Variants in IFT43 observed in about 807,000 individuals in gnomAD.
IFT43 encodes the protein intraflagellar transport 43.
Under a neutral mutation model 32.3 loss-of-function variants are expected in IFT43, and 33 were observed. That is an observed-to-expected ratio of 1.02 (90% CI 0.77 to 1.37). The LOEUF (loss-of-function observed/expected upper bound fraction) is 1.37. Among genes scored for constraint, IFT43 ranks in the 40% most tolerant of loss-of-function variants. The pLI, the probability that IFT43 is intolerant of heterozygous loss-of-function variation, is 0.00. For missense variants in IFT43, 274 were observed against 265.9 expected (o/e 1.03, Z -0.21); for synonymous variants, 93 against 98.2 (o/e 0.95, Z 0.31).
At chr14:76,062,002 A>G (rs2037143428) in intron 5 of IFT43, among the ~76,000 whole-genome samples, 1 of 150,422 alleles carries the variant, frequency 6.6e-6, no homozygotes, top group Non-Finnish European at 1.5e-5. Flanking sequence ...TGCTAATTCC[A>G]TTATATCTGT....
At chr14:76,012,752 A>G (rs2036110597) in intron 2 of IFT43, among the ~76,000 whole-genome samples, 1 of 152,066 alleles carries the variant, frequency 6.6e-6, no homozygotes. Flanking sequence ...TTGGTGTTAC[A>G]TATTTTAAGA....
intron 3 of IFT43, among the ~76,000 whole-genome samples, chr14:76,029,851 T>TTTTTATTTTATTTTACTTTA (rs2036473152): frequency 8.5e-6 from 1 of 117,462 alleles, no homozygotes; most frequent in Non-Finnish European, 1.7e-5. Flanking sequence ...TTTATTTTTA[T>TTTTTATTTTATTTTACTTTA]TTTTATTTTA....
At chr14:76,061,173 G>A (rs1027789386) in intron 5 of IFT43, among the ~76,000 whole-genome samples, 13 of 152,050 alleles carry the variant, frequency 8.5e-5, no homozygotes, top group African/African-American at 2.4e-5. Context: ...GAGCCACCTC[G>A]CCTGGCCTAC....
At chr14:76,024,309 A>ATTTCTTCCATGCTT (rs1160312692) in intron 3 of IFT43, among the ~76,000 whole-genome samples, 2 of 152,214 alleles carry the variant, frequency 1.3e-5, no homozygotes, top group African/African-American at 4.8e-5. Context: ...ACTCTCTCGC[A>ATTTCTTCCATGCTT]TTTCTTCCAT....
At chr14:76,081,257 A>G (rs2037505478) in intron 5 of IFT43, among the ~76,000 whole-genome samples, 5 of 152,250 alleles carry the variant, frequency 3.3e-5, no homozygotes, top group Admixed American at 3.3e-4. Context: ...CTAAGATTGA[A>G]TTCAGTCCAT....
In IFT43 at chr14:75,999,089, T is replaced by C. The variant is rs116628015; in HGVS notation, c.147+10112T>C. Among the ~76,000 whole-genome samples the C allele has an allele frequency of 9.5e-3, 1,225 of 129,124 alleles. 15 individuals are homozygous for C. The highest frequency in any genetic ancestry group is 0.034 in the African/African-American group (1,161 of 34,442). 84.7% of individuals were successfully genotyped at this position (129,124 alleles called of 152,430 possible). A position where few individuals can be genotyped will look rare whatever the true frequency, so the allele number is the denominator to read the frequency against. ...TATTGAGCTTCCTCTGTTTTATCTCTACTATTTCTCTTTTTCCTGCATCTC... is the reference window on the plus strand; with the variant it reads ...TATTGAGCTTCCTCTGTTTTATCTCCACTATTTCTCTTTTTCCTGCATCTC... On this transcript the variant is annotated intron_variant, in intron 2 of 8. Coordinates refer to ENST00000314067, the MANE Select transcript of IFT43 (RefSeq NM_001102564.3).
chr14:76,042,107 G>GACAC (rs3086751), intron 3 of IFT43, among the ~76,000 whole-genome samples: 6,744 of 149,900 alleles, frequency 0.045, 206 homozygotes, highest in Non-Finnish European at 0.066. Context: ...TATGGACGAG[G>GACAC]ACACACACAC....
chr14:75,996,391 A>C (rs1376005036), intron 2 of IFT43, among the ~76,000 whole-genome samples: 1 of 152,206 alleles, frequency 6.6e-6, no homozygotes, highest in Non-Finnish European at 1.5e-5. Context: ...TGGAGGGTTA[A>C]ATAAAATATA....
intron 2 of IFT43, among the ~76,000 whole-genome samples, chr14:76,007,804 A>G (rs1218824292): frequency 6.6e-6 from 1 of 152,210 alleles, no homozygotes; most frequent in Non-Finnish European, 1.5e-5. Flanking sequence ...TAAGTGTCTG[A>G]AAGGTATATA....
At chr14:76,024,887 A>G (rs2036361097) in intron 3 of IFT43, among the ~76,000 whole-genome samples, 1 of 152,228 alleles carries the variant, frequency 6.6e-6, no homozygotes, top group South Asian at 2.1e-4. Flanking sequence ...AGAGAATATG[A>G]TAATAAGACT....
chr14:76,066,326 C>T (rs1318025134), intron 5 of IFT43, among the ~76,000 whole-genome samples: 8 of 152,154 alleles, frequency 5.3e-5, no homozygotes, highest in East Asian at 1.9e-4. Context: ...TGTCAGAGAG[C>T]GCTCCTGCTT....
intron 2 of IFT43, among the ~76,000 whole-genome samples, chr14:75,998,029 C>T (rs919058709): frequency 1.3e-5 from 2 of 152,218 alleles, no homozygotes; most frequent in Non-Finnish European, 2.9e-5. Context: ...GCATGGCCAG[C>T]CTCATTTCAC....
At chr14:76,066,538 CAG>C (rs1206561817) in intron 5 of IFT43, among the ~76,000 whole-genome samples, 1 of 152,212 alleles carries the variant, frequency 6.6e-6, no homozygotes, top group Non-Finnish European at 1.5e-5. Flanking sequence ...TATCTTTGCT[CAG>C]AGAATTACTT....
chr14:76,039,965 T>G (rs1029104747), intron 3 of IFT43, among the ~76,000 whole-genome samples: 3 of 152,218 alleles, frequency 2.0e-5, no homozygotes, highest in African/African-American at 7.2e-5. Flanking sequence ...GCTTCTTTTC[T>G]TTTTTACAAA....
At chr14:76,083,383 A>G (rs1175839664) in intron 8 of IFT43, 75 bp from the exon 9 acceptor site, 1 of 1,613,238 alleles carries the variant, frequency 6.2e-7, no homozygotes, top group South Asian at 1.1e-5. Flanking sequence ...TGAGGCCTGG[A>G]TGGGAGGGAG....
At chr14:76,065,545 T>C (rs1418541768) in intron 5 of IFT43, among the ~76,000 whole-genome samples, 1 of 152,158 alleles carries the variant, frequency 6.6e-6, no homozygotes, top group Non-Finnish European at 1.5e-5. Context: ...GTGTTGTTCA[T>C]ACTATAGAGT....
intron 5 of IFT43, among the ~76,000 whole-genome samples, chr14:76,076,159 G>A (rs2037408624): frequency 1.3e-5 from 2 of 152,372 alleles, no homozygotes; most frequent in South Asian, 4.1e-4. Flanking sequence ...GGAAGAGATT[G>A]TGTGTAACCA....
At chr14:76,068,579 G>A (rs1220025158) in intron 5 of IFT43, among the ~76,000 whole-genome samples, 1 of 152,192 alleles carries the variant, frequency 6.6e-6, no homozygotes, top group African/African-American at 2.4e-5. Context: ...TCCTCAAACT[G>A]TAGGATGGCA....
intron 2 of IFT43, among the ~76,000 whole-genome samples, chr14:76,002,499 A>G (rs1054219862): frequency 6.6e-6 from 1 of 152,190 alleles, no homozygotes; most frequent in South Asian, 2.1e-4. Flanking sequence ...GAGCAGTTCC[A>G]GTTATGACTG....
Sources: gnomAD v4.1 joint callset for allele counts (sites outside exome capture counted in the v4.1 genomes callset) on GRCh38, gnomAD v4.1.1 for gene constraint, MANE v1.5 for transcripts, NCBI Gene and HGNC (gene_info 2026-07-23, HGNC 2026-07-21) for gene names.